Variants in RALGAPB observed in about 807,000 individuals in gnomAD.
RALGAPB encodes ral GTPase-activating protein subunit beta.
Under a neutral mutation model 161.1 loss-of-function variants are expected in RALGAPB, and 25 were observed. The ratio of observed to expected loss-of-function variants is 0.16; its 90% confidence interval spans 0.11 to 0.22. RALGAPB has a LOEUF of 0.22. RALGAPB is among the 10% of genes least tolerant of loss of function. The probability of loss-of-function intolerance (pLI) is 1.00; values close to 1 mark genes in which losing one functional copy is unlikely to be tolerated. For synonymous variants in RALGAPB, 629 were observed against 626.1 expected (o/e 1.00, Z -0.07); for missense variants, 1,391 against 1,815.2 (o/e 0.77, Z 4.25).
At chr20:38,481,406 C>A (rs1020276434) in intron 1 of RALGAPB, among the ~76,000 whole-genome samples, 1 of 152,164 alleles carries the variant, frequency 6.6e-6, no homozygotes, top group African/African-American at 2.4e-5. Context: ...CTGGGGAAGC[C>A]TCACAATCAT....
intron 1 of RALGAPB, among the ~76,000 whole-genome samples, chr20:38,477,800 C>T (rs1331572953): frequency 2.0e-5 from 3 of 152,122 alleles, no homozygotes; most frequent in Non-Finnish European, 2.9e-5. Flanking sequence ...GGTATTCTCC[C>T]TGTTTTACAG....
rs372455510 is a variant in RALGAPB, at chr20:38,499,531, C to T, written c.638C>T (p.Thr213Ile). Residue 213 changes from threonine to isoleucine, a missense_variant, in exon 5 of 30, where the codon ACA (threonine) becomes ATA (isoleucine). Physicochemically the swap from Thr to Ile is moderately conservative, Grantham distance 89 (BLOSUM62 -1). This residue lies in a region of RALGAPB where 946 missense variants were observed against 1,257.2 expected (regional missense o/e 0.75). Coordinates refer to ENST00000262879, the MANE Select transcript of RALGAPB (RefSeq NM_020336.4). ...WLLACTRCFP[T>I]PPYWKTAKEM... ...CTAGCTTGTACTCGGTGCTTCCCAA[C>T]ACCTCCTTATTGGAAAACAGCCAAG... 6 of 1,613,868 alleles carry T rather than the reference C, an allele frequency of 3.7e-6. No individual in the cohort carries two copies. The African/African-American group carries it at 4.0e-5, about 11-fold the overall frequency.
At position 38,565,238 on chromosome 20, in the gene RALGAPB, T is replaced by G. The variant is rs915637297; in HGVS notation, c.3698-121T>G. 15 of 1,149,818 alleles carry G rather than the reference T, an allele frequency of 1.3e-5. No homozygotes were observed. The Admixed American group carries it at 1.9e-4, about 14-fold the overall frequency. 71.2% of individuals were successfully genotyped at this position (1,149,818 alleles called of 1,614,324 possible). On this transcript the variant is annotated intron_variant, in intron 24 of 29. Transcript: ENST00000262879. ...TTTATTCTTTCATACTAATTGGTTC[T>G]TGTTGAAAACATATATTCTATTTAT...
At chr20:38,556,881 A>T (rs1038341886) in intron 22 of RALGAPB, among the ~76,000 whole-genome samples, 2 of 152,234 alleles carry the variant, frequency 1.3e-5, no homozygotes, top group Non-Finnish European at 2.9e-5. Flanking sequence ...TTTAGTGGCA[A>T]AATTGGACCT....
chr20:38,561,535 T>C (rs1163019079), intron 23 of RALGAPB, among the ~76,000 whole-genome samples: 1 of 152,220 alleles, frequency 6.6e-6, no homozygotes, highest in East Asian at 1.9e-4. Context: ...TTAGAAATAG[T>C]GATTCCAGGA....
chr20:38,555,692 T>C (rs1289517510), intron 22 of RALGAPB, among the ~76,000 whole-genome samples: 1 of 152,222 alleles, frequency 6.6e-6, no homozygotes, highest in Admixed American at 6.5e-5. Context: ...CTGTTATCTG[T>C]TCTAGTTGAA....
chr20:38,541,768 A>C (rs1338133541), intron 18 of RALGAPB, among the ~76,000 whole-genome samples: 1 of 152,178 alleles, frequency 6.6e-6, no homozygotes, highest in African/African-American at 2.4e-5. Context: ...AGAGGTATAA[A>C]TAAAATGCTG....
intron 26 of RALGAPB, 25 bp from the exon 27 acceptor site, chr20:38,569,863 C>T: frequency 6.3e-7 from 1 of 1,583,108 alleles, no homozygotes; most frequent in Non-Finnish European, 8.7e-7. Flanking sequence ...TTTTCCCGCT[C>T]TCTGTCTTCT....
chr20:38,568,204 T>G (rs989732908), intron 26 of RALGAPB, among the ~76,000 whole-genome samples: 9 of 152,062 alleles, frequency 5.9e-5, no homozygotes, highest in Non-Finnish European at 1.3e-4. Flanking sequence ...CATGTTTTTG[T>G]TTCTCACTTA....
intron 13 of RALGAPB, among the ~76,000 whole-genome samples, chr20:38,529,448 C>T (rs1344580315): frequency 4.0e-5 from 6 of 150,744 alleles, no homozygotes; most frequent in East Asian, 1.9e-4. Context: ...ACACGGGAGG[C>T]GGAGGTTGCA....
intron 1 of RALGAPB, among the ~76,000 whole-genome samples, chr20:38,475,484 A>G (rs939102778): frequency 2.6e-5 from 4 of 152,234 alleles, no homozygotes; most frequent in African/African-American, 7.2e-5. Flanking sequence ...AGGATTTGCA[A>G]AAGTTAGTGA....
At chr20:38,545,609 T>A (rs2087136839) in intron 18 of RALGAPB, among the ~76,000 whole-genome samples, 2 of 152,176 alleles carry the variant, frequency 1.3e-5, no homozygotes, top group Admixed American at 1.3e-4. Context: ...TCTCTAACAA[T>A]GGAGAGCAAC....
chr20:38,478,911 C>T (rs748449076), intron 1 of RALGAPB, among the ~76,000 whole-genome samples: 16 of 152,292 alleles, frequency 1.1e-4, no homozygotes, highest in Admixed American at 2.6e-4. Flanking sequence ...CCACTGCACC[C>T]GGCCAATTTT....
chr20:38,499,300 C>G (rs2085512360), intron 4 of RALGAPB, 147 bp from the exon 5 acceptor site: 1 of 796,582 alleles, frequency 1.3e-6, no homozygotes, highest in Non-Finnish European at 1.9e-6. Flanking sequence ...AATTGCTTCT[C>G]ATTTTTACTA....
Position 38,488,625 on chromosome 20 carries a change from GTTTCTAAA to G in RALGAPB, c.186+12_186+19del, listed in dbSNP as rs760822111. On this transcript the variant is annotated splice_region_variant and intron_variant, in intron 2 of 29. Transcript: ENST00000262879. The stretch of plus-strand genomic sequence containing the variant: ...GTTAAAAACTGACAAAGAAGTAAGT[GTTTCTAAA>G]TTTCATTCTCTTATATGAAAATGTA... 50 of 1,600,700 alleles carry G rather than the reference GTTTCTAAA, an allele frequency of 3.1e-5. No individual in the cohort carries two copies. The highest frequency in any genetic ancestry group is 4.1e-5 in the Non-Finnish European group (48 of 1,171,552).
chr20:38,528,454 C>CT (rs2086540918), intron 13 of RALGAPB, among the ~76,000 whole-genome samples: 1 of 151,948 alleles, frequency 6.6e-6, no homozygotes, highest in African/African-American at 2.4e-5. Context: ...TCACTGCAGC[C>CT]CAAGCTCCTG....
intron 1 of RALGAPB, among the ~76,000 whole-genome samples, chr20:38,481,100 C>T (rs2084953918): frequency 6.6e-6 from 1 of 152,078 alleles, no homozygotes; most frequent in Admixed American, 6.6e-5. Flanking sequence ...AAAATTATAC[C>T]CTTCCTTCAA....
At chr20:38,532,372 A>C (rs570275995) in intron 14 of RALGAPB, among the ~76,000 whole-genome samples, 1 of 152,110 alleles carries the variant, frequency 6.6e-6, no homozygotes, top group East Asian at 1.9e-4. Flanking sequence ...CATGCTTTTT[A>C]AGCTTATATT....
At chr20:38,495,941 G>A (rs1445793557) in intron 3 of RALGAPB, among the ~76,000 whole-genome samples, 1 of 152,048 alleles carries the variant, frequency 6.6e-6, no homozygotes, top group African/African-American at 2.4e-5. Context: ...CTCTTGGAAG[G>A]GTGTCAGTCC....
Sources: gnomAD v4.1 joint callset for allele counts (sites outside exome capture counted in the v4.1 genomes callset) on GRCh38, gnomAD v4.1.1 for gene constraint, gnomAD v4.1.1 regional missense constraint, MANE v1.5 for transcripts, NCBI Gene and HGNC (gene_info 2026-07-23, HGNC 2026-07-21) for gene names.